The following CNTNAP2 variants were observed in gnomAD, a reference collection of about 807,000 sequenced individuals.
CNTNAP2 encodes the protein contactin-associated protein-like 2.
CNTNAP2 carries 98 observed loss-of-function variants against 155.2 expected under a neutral mutation model. The ratio of observed to expected loss-of-function variants is 0.63; its 90% CI spans 0.54 to 0.75. The LOEUF (loss-of-function observed/expected upper bound fraction) is 0.75. Ranked by LOEUF, CNTNAP2 falls within the 30% of genes least tolerant of loss-of-function variation. CNTNAP2 has a pLI of 0.00. For missense variants in CNTNAP2, 1,727 were observed against 1,688.1 expected (o/e 1.02, Z -0.40); for synonymous variants, 651 against 631.2 (o/e 1.03, Z -0.47).
intron 11 of CNTNAP2, among the ~76,000 whole-genome samples, chr7:147,553,830 G>T (rs2116770223): frequency 6.6e-6 from 1 of 152,238 alleles, no homozygotes; most frequent in East Asian, 1.9e-4. Flanking sequence ...AATTAGCCAG[G>T]CATGCTGGCG....
chr7:147,602,288 T>C (rs917453265), intron 12 of CNTNAP2, among the ~76,000 whole-genome samples: 19 of 152,122 alleles, frequency 1.2e-4, no homozygotes, highest in African/African-American at 4.6e-4. Flanking sequence ...AATAAATTTG[T>C]TTTCTAGTAT....
At chr7:148,308,992 T>G (rs1797542631) in intron 21 of CNTNAP2, among the ~76,000 whole-genome samples, 1 of 152,164 alleles carries the variant, frequency 6.6e-6, no homozygotes, top group Non-Finnish European at 1.5e-5. Flanking sequence ...GGCATTTGGG[T>G]TGGTTCCAAC....
intron 1 of CNTNAP2, among the ~76,000 whole-genome samples, chr7:146,669,298 T>C (rs1337331237): frequency 2.0e-5 from 3 of 152,142 alleles, no homozygotes; most frequent in Admixed American, 1.3e-4. Context: ...CTATTTACTT[T>C]GACATGGAGA....
At chr7:147,712,376 C>G (rs1029686204) in intron 13 of CNTNAP2, among the ~76,000 whole-genome samples, 4 of 152,122 alleles carry the variant, frequency 2.6e-5, no homozygotes, top group African/African-American at 9.7e-5. Context: ...TACCATTTGA[C>G]CCAGCCATCC....
chr7:146,625,100 A>G (rs1011072091), intron 1 of CNTNAP2, among the ~76,000 whole-genome samples: 1 of 151,988 alleles, frequency 6.6e-6, no homozygotes, highest in African/African-American at 2.4e-5. Flanking sequence ...ACACATTTTG[A>G]TATATATTAA....
intron 21 of CNTNAP2, among the ~76,000 whole-genome samples, chr7:148,294,039 CAAAAAAAAA>C (rs10607772): frequency 2.9e-5 from 2 of 70,026 alleles, no homozygotes; most frequent in African/African-American, 5.5e-5. Context: ...GGCTCCATCT[CAAAAAAAAA>C]AAAAAAAAAA....
chr7:146,547,559 T>G (rs540156270), intron 1 of CNTNAP2, among the ~76,000 whole-genome samples: 4 of 152,052 alleles, frequency 2.6e-5, no homozygotes, highest in African/African-American at 9.6e-5. Flanking sequence ...AGGTACCTCC[T>G]CCCAGAGAAA....
rs112650764 is a variant in CNTNAP2, at chr7:146,743,161, T to G, written c.98-31110T>G. Among the ~76,000 whole-genome samples the G allele has an allele frequency of 6.6e-3, 999 of 152,298 alleles. 9 individuals carry two copies. The highest frequency in any genetic ancestry group is 0.011 in the Non-Finnish European group (733 of 68,002). ...CAGTATGCTATCCACTCTGACATAGTGAAATTGATTAGTAAAAAAACAATG... is the reference window on the plus strand; with the variant it reads ...CAGTATGCTATCCACTCTGACATAGGGAAATTGATTAGTAAAAAAACAATG... On this transcript the variant is annotated intron_variant, in intron 1 of 23. Coordinates refer to ENST00000361727, the MANE Select transcript of CNTNAP2 (RefSeq NM_014141.6).
At chr7:148,171,951 T>G (rs924280534) in intron 17 of CNTNAP2, among the ~76,000 whole-genome samples, 5 of 152,230 alleles carry the variant, frequency 3.3e-5, no homozygotes, top group African/African-American at 1.2e-4. Context: ...GCTTTTTCTA[T>G]AGGAAACCAG....
chr7:148,028,666 T>C (rs1051400206), intron 15 of CNTNAP2, among the ~76,000 whole-genome samples: 7 of 152,056 alleles, frequency 4.6e-5, no homozygotes, highest in African/African-American at 1.7e-4. Context: ...ACAACCTGAG[T>C]ATTATAATGA....
At chr7:148,299,965 T>TA (rs903881199) in intron 21 of CNTNAP2, among the ~76,000 whole-genome samples, 5 of 152,030 alleles carry the variant, frequency 3.3e-5, no homozygotes, top group African/African-American at 9.7e-5. Flanking sequence ...TGTAAGGAGG[T>TA]AAAAAACTGT....
chr7:146,909,024 C>T (rs370951898), intron 3 of CNTNAP2, among the ~76,000 whole-genome samples: 2 of 151,034 alleles, frequency 1.3e-5, no homozygotes, highest in Non-Finnish European at 1.5e-5. Context: ...ACTACAAACA[C>T]CTCTACGCAA....
intron 13 of CNTNAP2, among the ~76,000 whole-genome samples, chr7:147,715,569 G>A (rs958584066): frequency 6.6e-6 from 1 of 151,894 alleles, no homozygotes; most frequent in Admixed American, 6.6e-5. Flanking sequence ...TTGAAATTGA[G>A]AATTATTTAT....
chr7:146,597,473 C>A (rs759702176), intron 1 of CNTNAP2, among the ~76,000 whole-genome samples: 1 of 151,984 alleles, frequency 6.6e-6, no homozygotes, highest in Admixed American at 6.6e-5. Context: ...TTGACACGCA[C>A]ACACATACAC....
intron 3 of CNTNAP2, among the ~76,000 whole-genome samples, chr7:147,022,754 G>A (rs1018425726): frequency 4.0e-5 from 6 of 151,586 alleles, no homozygotes; most frequent in Admixed American, 2.0e-4. Context: ...ATCCCAATTC[G>A]AATATCATTC....
chr7:148,277,563 T>G (rs10952744), intron 21 of CNTNAP2, among the ~76,000 whole-genome samples: 69,695 of 149,994 alleles, frequency 0.46, 16,532 homozygotes, highest in South Asian at 0.56. Context: ...ACATGAGGCT[T>G]GGCTGCCCCA....
intron 1 of CNTNAP2, among the ~76,000 whole-genome samples, chr7:146,237,585 G>A (rs372228103): frequency 6.6e-6 from 1 of 152,168 alleles, no homozygotes; most frequent in Admixed American, 6.5e-5. Flanking sequence ...GCCTAGAATA[G>A]CATTTTCCGG....
chr7:146,556,269 A>T (rs1798197073), intron 1 of CNTNAP2, among the ~76,000 whole-genome samples: 1 of 152,168 alleles, frequency 6.6e-6, no homozygotes, highest in Admixed American at 6.5e-5. Context: ...GCAGCAAAAC[A>T]CCACAGGAAG....
intron 1 of CNTNAP2, among the ~76,000 whole-genome samples, chr7:146,489,513 G>C (rs1282577034): frequency 1.3e-5 from 2 of 152,134 alleles, no homozygotes. Context: ...TGATGCAGGA[G>C]TTTTCTCAGC....
Sources: allele counts gnomAD v4.1 joint callset (sites outside exome capture counted in the v4.1 genomes callset), GRCh38; gene constraint gnomAD v4.1.1; transcripts MANE v1.5; gene names NCBI Gene and HGNC (gene_info 2026-07-23, HGNC 2026-07-21).